Variants in NUMB observed in about 807,000 individuals in gnomAD.
The protein encoded by NUMB is NUMB endocytic adaptor protein.
NUMB carries 29 observed loss-of-function variants against 59.7 expected under a neutral mutation model. That is an observed-to-expected ratio of 0.49 (90% CI 0.36 to 0.66). The LOEUF is 0.66. Ranked by LOEUF, NUMB falls within the 30% of genes least tolerant of loss-of-function variation. The pLI is 0.00. For synonymous variants in NUMB, 288 were observed against 288.2 expected, an observed-to-expected ratio of 1.00 and a Z score of 0.01; for missense variants, 723 against 822.0, an observed-to-expected ratio of 0.88 and a Z score of 1.47.
intron 1 of NUMB, among the ~76,000 whole-genome samples, chr14:73,448,458 T>C (rs905135968): frequency 6.6e-6 from 1 of 152,192 alleles, no homozygotes; most frequent in Non-Finnish European, 1.5e-5. Flanking sequence ...CCCAAAGTGC[T>C]GGGATTAAAG....
rs142498869 is a variant in NUMB, at chr14:73,361,971, T to C, written c.-16+4926A>G. Reference sequence around the variant, plus strand: ...TTATGTTCCACTGAAAAAGAAAAAATGGAGGCCAGGTGCGCTGGCTCACAC... The same window carrying C: ...TTATGTTCCACTGAAAAAGAAAAAACGGAGGCCAGGTGCGCTGGCTCACAC... On this transcript the variant is annotated intron_variant, in intron 3 of 12. Coordinates refer to ENST00000555238, the MANE Select transcript of NUMB (RefSeq NM_001005743.2). Among the ~76,000 whole-genome samples the C allele has an allele frequency of 1.1e-3, 162 of 152,190 alleles. 2 individuals carry two copies. In the East Asian group the frequency reaches 0.018, roughly 17 times the overall value.
At chr14:73,337,128 T>G (rs1264633146) in intron 4 of NUMB, among the ~76,000 whole-genome samples, 1 of 151,002 alleles carries the variant, frequency 6.6e-6, no homozygotes, top group Non-Finnish European at 1.5e-5. Flanking sequence ...AAAGCAAGAC[T>G]CTGTCTTTAA....
chr14:73,362,277 A>G (rs2140035968), intron 3 of NUMB, among the ~76,000 whole-genome samples: 1 of 152,036 alleles, frequency 6.6e-6, no homozygotes, highest in East Asian at 1.9e-4. Context: ...TGCTACCAAA[A>G]TTGTTTAAGA....
At chr14:73,441,167 C>T (rs1883037348) in intron 1 of NUMB, among the ~76,000 whole-genome samples, 1 of 152,134 alleles carries the variant, frequency 6.6e-6, no homozygotes, top group Non-Finnish European at 1.5e-5. Context: ...AAAGACACTT[C>T]TTCCAAGAAG....
At chr14:73,352,455 CACATACACACACACACACACACAT>C (rs1356315779) in intron 4 of NUMB, among the ~76,000 whole-genome samples, 15 of 20,204 alleles carry the variant, frequency 7.4e-4, no homozygotes, top group South Asian at 1.8e-3. Context: ...CACACACACA[CACATACACACACACACACACACAT>C]ATATATATAT....
intron 4 of NUMB, among the ~76,000 whole-genome samples, chr14:73,350,078 TACACACACACACACACAC>T (rs71112732): frequency 7.3e-6 from 1 of 137,696 alleles, no homozygotes; most frequent in South Asian, 2.5e-4. Context: ...CATACATACA[TACACACACACACACACAC>T]ACACACACAC....
intron 2 of NUMB, among the ~76,000 whole-genome samples, chr14:73,373,353 C>T (rs1312560052): frequency 6.6e-6 from 1 of 152,224 alleles, no homozygotes; most frequent in Non-Finnish European, 1.5e-5. Flanking sequence ...TTATAAGTCC[C>T]TGCCCTGTCT....
chr14:73,375,495 A>T (rs1183303930), intron 2 of NUMB, among the ~76,000 whole-genome samples: 1 of 152,356 alleles, frequency 6.6e-6, no homozygotes, highest in Non-Finnish European at 1.5e-5. Context: ...ATCTTTATAT[A>T]ATGCATATTA....
At chr14:73,283,209 TAGA>T (rs1178135398) in intron 10 of NUMB, among the ~76,000 whole-genome samples, 1 of 152,200 alleles carries the variant, frequency 6.6e-6, no homozygotes, top group Non-Finnish European at 1.5e-5. Context: ...CTGTCTGCCC[TAGA>T]AGGAGACTGA....
intron 1 of NUMB, among the ~76,000 whole-genome samples, chr14:73,439,662 C>A (rs1003826352): frequency 2.2e-4 from 34 of 151,948 alleles, no homozygotes; most frequent in African/African-American, 8.0e-4. Flanking sequence ...AAAATAAAAC[C>A]TTTACATGTG....
intron 4 of NUMB, among the ~76,000 whole-genome samples, chr14:73,327,949 G>C (rs1376984178): frequency 6.6e-6 from 1 of 152,014 alleles, no homozygotes; most frequent in African/African-American, 2.4e-5. Context: ...CTACTGATCT[G>C]TTTTCTATTC....
chr14:73,370,155 A>G (rs1260785891), intron 2 of NUMB, among the ~76,000 whole-genome samples: 2 of 152,154 alleles, frequency 1.3e-5, no homozygotes, highest in African/African-American at 4.8e-5. Flanking sequence ...AGAGATAATT[A>G]GACCATGAGG....
chr14:73,432,630 T>C (rs1897881074), intron 1 of NUMB, among the ~76,000 whole-genome samples: 1 of 152,250 alleles, frequency 6.6e-6, no homozygotes, highest in African/African-American at 2.4e-5. Flanking sequence ...TCACATATCA[T>C]GTTTATTAAC....
chr14:73,362,022 C>T (rs948394172), intron 3 of NUMB, among the ~76,000 whole-genome samples: 7 of 152,020 alleles, frequency 4.6e-5, no homozygotes, highest in Non-Finnish European at 8.8e-5. Context: ...TTTGGGAAGC[C>T]GAGGTGGGTG....
At chr14:73,288,288 C>G (rs1889146297) in intron 8 of NUMB, among the ~76,000 whole-genome samples, 1 of 152,106 alleles carries the variant, frequency 6.6e-6, no homozygotes, top group African/African-American at 2.4e-5. Flanking sequence ...TGCGATGGCT[C>G]ACACCTGTAA....
rs751618509 is a variant in NUMB, at chr14:73,287,234, T to C, written c.531A>G (p.Gly177=). Residue 177 remains glycine (G), a synonymous_variant, in exon 9 of 13, where the codon GGA becomes GGG. Coordinates refer to ENST00000555238, the MANE Select transcript of NUMB (RefSeq NM_001005743.2). ...ERKQKREKEC[G]VTATFDASRT... ...GACTAGCATCAAAAGTAGCAGTCACTCCACATTCCTTCTCCCGCTTCTGCT... is the reference window on the plus strand; with the variant it reads ...GACTAGCATCAAAAGTAGCAGTCACCCCACATTCCTTCTCCCGCTTCTGCT... The C allele has an allele frequency of 3.7e-6, 6 of 1,613,524 alleles. No individual in the cohort carries two copies. In the African/African-American group the frequency reaches 8.0e-5, roughly 22 times the overall value.
At chr14:73,337,570 T>C (rs1474497270) in intron 4 of NUMB, among the ~76,000 whole-genome samples, 5 of 152,170 alleles carry the variant, frequency 3.3e-5, no homozygotes, top group Non-Finnish European at 7.4e-5. Context: ...TGAGAAACTG[T>C]GATAAGACTG....
chr14:73,429,976 AC>A (rs1897755172), intron 1 of NUMB, among the ~76,000 whole-genome samples: 1 of 151,812 alleles, frequency 6.6e-6, no homozygotes, highest in Admixed American at 6.6e-5. Flanking sequence ...AATGGCAAAA[AC>A]CGCAATTACT....
chr14:73,319,764 T>A (rs1891298693), intron 5 of NUMB, among the ~76,000 whole-genome samples: 3 of 152,308 alleles, frequency 2.0e-5, no homozygotes. Context: ...CACACTATGA[T>A]ATGAGAAGAA....
Sources: gnomAD v4.1 joint callset for allele counts (sites outside exome capture counted in the v4.1 genomes callset) on GRCh38, gnomAD v4.1.1 for gene constraint, MANE v1.5 for transcripts, NCBI Gene and HGNC (gene_info 2026-07-23, HGNC 2026-07-21) for gene names.